Variants in MAN1C1 observed in about 807,000 individuals in gnomAD.
The protein encoded by MAN1C1 is mannosidase alpha class 1C member 1.
In MAN1C1, 49 loss-of-function variants were observed where a neutral mutation model predicts 71.5. The ratio of observed to expected loss-of-function variants is 0.69; its 90% CI spans 0.54 to 0.87. MAN1C1 has a LOEUF of 0.87. Ranked by LOEUF, MAN1C1 falls within the 40% of genes least tolerant of loss-of-function variation. The probability of loss-of-function intolerance (pLI) is 0.00; values close to 1 mark genes in which losing one functional copy is unlikely to be tolerated. For missense variants in MAN1C1, 743 were observed against 835.0 expected (o/e 0.89, Z 1.36); for synonymous variants, 352 against 343.7 (o/e 1.02, Z -0.27).
At chr1:25,724,530 G>A (rs1177137279) in intron 2 of MAN1C1, among the ~76,000 whole-genome samples, 1 of 151,444 alleles carries the variant, frequency 6.6e-6, no homozygotes, top group Non-Finnish European at 1.5e-5. Flanking sequence ...GCTTTTTCAA[G>A]CCTCTGCGTG....
chr1:25,768,744 CCCACAGTCCCCTCACATACAT>C (rs1000292287), intron 7 of MAN1C1, among the ~76,000 whole-genome samples: 1 of 138,098 alleles, frequency 7.2e-6, no homozygotes, highest in African/African-American at 2.7e-5. Flanking sequence ...CCCTCACACA[CCCACAGTCCCCTCACATACAT>C]CCACACTCCC....
chr1:25,679,917 A>T (rs2046123180), intron 1 of MAN1C1, among the ~76,000 whole-genome samples: 1 of 141,182 alleles, frequency 7.1e-6, no homozygotes, highest in African/African-American at 2.6e-5. Context: ...GGCCTAGGTG[A>T]CACAGCAAGA....
chr1:25,663,724 TA>T (rs2045882957), intron 1 of MAN1C1, among the ~76,000 whole-genome samples: 1 of 152,068 alleles, frequency 6.6e-6, no homozygotes, highest in Non-Finnish European at 1.5e-5. Context: ...ATGGCCTACA[TA>T]GAGCTGAGCT....
At chr1:25,684,443 G>A (rs773202865) in intron 1 of MAN1C1, among the ~76,000 whole-genome samples, 33 of 152,226 alleles carry the variant, frequency 2.2e-4, no homozygotes, top group Non-Finnish European at 3.8e-4. Context: ...AGCCTGGGGG[G>A]GTGTCAGCTG....
At position 25,758,701 on chromosome 1, in the gene MAN1C1, G is replaced by T; in HGVS notation, c.1039G>T (p.Ala347Ser). 1 of 1,613,430 alleles carries T rather than the reference G, an allele frequency of 6.2e-7. No homozygotes were observed. Among genetic ancestry groups the T allele is most frequent in the African/African-American group, 1.3e-5 (1 of 75,030 alleles). The change falls in exon 6 of 12, where the codon GCT (alanine) becomes TCT (serine). Residue 347 changes from alanine (A) to serine (S), a missense_variant. Ala to Ser is a moderately conservative substitution (Grantham distance 99, BLOSUM62 1). Coordinates refer to ENST00000374332, the MANE Select transcript of MAN1C1 (RefSeq NM_020379.4). ...TGAACTCTCTGGCAACCAGGTCTTC[G>T]CTGAAAAGGCAAGTCTCCTCCCCAC... is the stretch of plus-strand genomic sequence containing the variant. Reference protein sequence around the residue: ...LTELSGNQVFAEKVRNIRKVL... With the variant: ...LTELSGNQVFSEKVRNIRKVL...
chr1:25,650,370 T>TC (rs1174054188), intron 1 of MAN1C1, among the ~76,000 whole-genome samples: 1 of 152,194 alleles, frequency 6.6e-6, no homozygotes, highest in Non-Finnish European at 1.5e-5. Flanking sequence ...TACCAGCAAC[T>TC]CCGTAGGGGT....
At chr1:25,661,352 G>A (rs1449142322) in intron 1 of MAN1C1, among the ~76,000 whole-genome samples, 1 of 152,252 alleles carries the variant, frequency 6.6e-6, no homozygotes, top group Non-Finnish European at 1.5e-5. Flanking sequence ...CAGGGACACA[G>A]CAATGAACAA....
At chr1:25,644,709 TG>T (rs1406628809) in intron 1 of MAN1C1, 1 of 151,518 alleles carries the variant, frequency 6.6e-6, no homozygotes, top group Non-Finnish European at 1.5e-5. Context: ...TTTGTGGAGA[TG>T]GGGTTTTGCC....
At chr1:25,674,989 G>A (rs2046044309) in intron 1 of MAN1C1, among the ~76,000 whole-genome samples, 2 of 152,180 alleles carry the variant, frequency 1.3e-5, no homozygotes, top group African/African-American at 4.8e-5. Flanking sequence ...GCTCATGGTG[G>A]TGGTACAAAG....
chr1:25,674,532 G>T (rs1225181957), intron 1 of MAN1C1, among the ~76,000 whole-genome samples: 1 of 152,218 alleles, frequency 6.6e-6, no homozygotes, highest in East Asian at 1.9e-4. Context: ...ATAATAGGGT[G>T]ATTCAACCTG....
chr1:25,757,065 G>C (rs2047295882), intron 5 of MAN1C1, among the ~76,000 whole-genome samples: 1 of 152,170 alleles, frequency 6.6e-6, no homozygotes, highest in Admixed American at 6.5e-5. Context: ...CAAGCTGGGA[G>C]GCTGGTAAGT....
rs2047731535 is a variant in MAN1C1 at position 25,783,807 on chromosome 1, GC to G, written c.*21del. On this transcript the variant is annotated 3_prime_UTR_variant, in exon 12 of 12. Transcript: ENST00000374332. Reference sequence around the variant, plus strand: ...GACACTGACCCCATCTCCTGCCGCCGCCCTGGGGCCGCCGCAGGGATGCCTT... The same window carrying G: ...GACACTGACCCCATCTCCTGCCGCCGCCTGGGGCCGCCGCAGGGATGCCTT... 2 of 1,605,086 alleles carry G rather than the reference GC, an allele frequency of 1.2e-6. No homozygotes were observed. The highest frequency in any genetic ancestry group is 2.2e-5 in the East Asian group (1 of 44,820).
At chr1:25,645,617 T>C (rs2045601938) in intron 1 of MAN1C1, 1 of 152,220 alleles carries the variant, frequency 6.6e-6, no homozygotes, top group Non-Finnish European at 1.5e-5. Flanking sequence ...TAACACCATG[T>C]TCCTCTCAGT....
At chr1:25,699,357 C>T (rs2046408155) in intron 2 of MAN1C1, among the ~76,000 whole-genome samples, 1 of 150,940 alleles carries the variant, frequency 6.6e-6, no homozygotes, top group Non-Finnish European at 1.5e-5. Context: ...GGGATTATGG[C>T]ACAGAAACAC....
intron 1 of MAN1C1, among the ~76,000 whole-genome samples, chr1:25,679,643 C>T (rs982066296): frequency 4.6e-5 from 7 of 151,186 alleles, no homozygotes; most frequent in African/African-American, 9.7e-5. Flanking sequence ...ACCCAGATTC[C>T]GCAAACGTTA....
At chr1:25,625,178 T>C (rs2045275948) in intron 1 of MAN1C1, among the ~76,000 whole-genome samples, 1 of 151,934 alleles carries the variant, frequency 6.6e-6, no homozygotes, top group Admixed American at 6.6e-5. Flanking sequence ...GCTAATTTTG[T>C]ATTTTTAGTA....
chr1:25,694,427 A>AT (rs1356546889), intron 2 of MAN1C1, among the ~76,000 whole-genome samples: 5 of 152,128 alleles, frequency 3.3e-5, no homozygotes, highest in South Asian at 2.1e-4. Context: ...CCAAATCCCC[A>AT]TTTTGAGGGA....
intron 2 of MAN1C1, among the ~76,000 whole-genome samples, chr1:25,704,142 C>T (rs182398728): frequency 1.2e-4 from 19 of 152,342 alleles, no homozygotes; most frequent in Admixed American, 1.0e-3. Context: ...AGGCCCACTC[C>T]TTTAATCTCT....
At chr1:25,679,974 TATATAC>T (rs1368793593) in intron 1 of MAN1C1, among the ~76,000 whole-genome samples, 10 of 132,242 alleles carry the variant, frequency 7.6e-5, no homozygotes, top group African/African-American at 2.5e-4. Context: ...TATATATATA[TATATAC>T]ACACACACAC....
Sources: allele counts gnomAD v4.1 joint callset (sites outside exome capture counted in the v4.1 genomes callset), GRCh38; gene constraint gnomAD v4.1.1; transcripts MANE v1.5; gene names NCBI Gene and HGNC (gene_info 2026-07-23, HGNC 2026-07-21).